Variants in AGMO observed in about 807,000 individuals in gnomAD.
The protein encoded by AGMO is glyceryl-ether monooxygenase.
In AGMO, 75 loss-of-function variants were observed where a neutral mutation model predicts 60.2. That is an observed-to-expected ratio of 1.25 (90% confidence interval 1.03 to 1.51). AGMO has a LOEUF of 1.51. Among genes scored for constraint, AGMO ranks in the 40% most tolerant of loss-of-function variants. The pLI is 0.00. For synonymous variants in AGMO, 261 were observed against 177.1 expected (o/e 1.47, Z -3.76); for missense variants, 763 against 525.5 (o/e 1.45, Z -4.42).
At chr7:15,512,616 G>C (rs572895958) in intron 3 of AGMO, among the ~76,000 whole-genome samples, 99 of 152,284 alleles carry the variant, frequency 6.5e-4, no homozygotes, top group African/African-American at 2.3e-3. Flanking sequence ...TACATATTTA[G>C]TTGAATTGAC....
intron 2 of AGMO, among the ~76,000 whole-genome samples, chr7:15,548,495 A>C (rs1784854021): frequency 6.6e-6 from 1 of 152,192 alleles, no homozygotes; most frequent in Admixed American, 6.5e-5. Flanking sequence ...CTGAAAACCA[A>C]GGCTCGAGAA....
chr7:15,157,425 G>C, the AGMO span, among the ~76,000 whole-genome samples: 2 of 152,184 alleles, frequency 1.3e-5, no homozygotes, highest in Non-Finnish European at 2.9e-5. Context: ...GAAGAAGAGG[G>C]CTGCATTTTG....
intron 12 of AGMO, among the ~76,000 whole-genome samples, chr7:15,336,422 A>G (rs879517213): frequency 1.4e-5 from 2 of 147,018 alleles, no homozygotes; most frequent in Non-Finnish European, 1.5e-5. Flanking sequence ...ATATGGCAAA[A>G]AAAAAAGAAA....
At chr7:15,362,492 A>C (rs1782805156) in intron 12 of AGMO, among the ~76,000 whole-genome samples, 1 of 152,202 alleles carries the variant, frequency 6.6e-6, no homozygotes, top group African/African-American at 2.4e-5. Context: ...ACTGTAATTT[A>C]TCAATTTCTT....
chr7:15,408,868 T>C (rs139675273), intron 5 of AGMO, among the ~76,000 whole-genome samples: 2 of 151,958 alleles, frequency 1.3e-5, no homozygotes, highest in Non-Finnish European at 2.9e-5. Context: ...GTCTGAGCTA[T>C]ATAGTGGTTT....
At chr7:15,397,107 T>G (rs192358894) in intron 5 of AGMO, among the ~76,000 whole-genome samples, 1 of 152,086 alleles carries the variant, frequency 6.6e-6, no homozygotes, top group Non-Finnish European at 1.5e-5. Flanking sequence ...CAGGAAACTT[T>G]GCGGTACCTA....
intron 12 of AGMO, among the ~76,000 whole-genome samples, chr7:15,277,881 G>T (rs966226121): frequency 6.6e-6 from 1 of 152,144 alleles, no homozygotes; most frequent in South Asian, 2.1e-4. Flanking sequence ...GCTTGCCTAT[G>T]ATATCCCAAT....
At chr7:15,342,798 A>AC (rs1781904310) in intron 12 of AGMO, among the ~76,000 whole-genome samples, 2 of 149,894 alleles carry the variant, frequency 1.3e-5, no homozygotes, top group Non-Finnish European at 3.0e-5. Flanking sequence ...AAAAAAAAAA[A>AC]AAAAAAATTG....
intron 12 of AGMO, among the ~76,000 whole-genome samples, chr7:15,206,051 GT>G (rs1011001633): frequency 2.0e-5 from 3 of 151,612 alleles, no homozygotes; most frequent in Non-Finnish European, 1.5e-5. Flanking sequence ...CAATGTTTTG[GT>G]TTTTTTTGAG....
intron 12 of AGMO, among the ~76,000 whole-genome samples, chr7:15,285,564 A>T (rs925637186): frequency 1.1e-4 from 16 of 152,284 alleles, no homozygotes; most frequent in Admixed American, 2.0e-4. Context: ...TGCTGAAAGA[A>T]ATCACAGATG....
intron 3 of AGMO, among the ~76,000 whole-genome samples, chr7:15,522,447 C>T (rs1784022514): frequency 6.6e-6 from 1 of 152,130 alleles, no homozygotes. Context: ...TGACTTCAAA[C>T]TATACTACAA....
chr7:15,387,504 CCCAGAATGTAGTCCATATGGAAAATAAG>C lies in AGMO; in HGVS notation c.831_858del (p.His277GlnfsTer50). The C allele has an allele frequency of 6.2e-7, 1 of 1,613,264 alleles. No homozygotes were observed. The highest frequency in any genetic ancestry group is 8.5e-7 in the Non-Finnish European group (1 of 1,179,590). ...AACTTATTGAAGAATCCAGGTGTGG[CCCAGAATGTAGTCCATATGGAAAATAAG>C]TGATGGAACTAGAAACAATAAAAAA... is the stretch of plus-strand genomic sequence containing the variant. On this transcript the variant is annotated frameshift_variant, in exon 9 of 13. Transcript: ENST00000342526. LOFTEE classifies it high-confidence loss of function.
At chr7:15,137,677 G>T in the AGMO span, among the ~76,000 whole-genome samples, 2 of 152,134 alleles carry the variant, frequency 1.3e-5, no homozygotes, top group African/African-American at 4.8e-5. Context: ...CAGAAGATTA[G>T]TAGGAATGAT....
intron 12 of AGMO, among the ~76,000 whole-genome samples, chr7:15,332,513 A>C (rs1781529351): frequency 6.6e-6 from 1 of 152,024 alleles, no homozygotes; most frequent in South Asian, 2.1e-4. Context: ...TATATCACCT[A>C]ATGTTTCCCC....
intron 12 of AGMO, among the ~76,000 whole-genome samples, chr7:15,352,838 A>T (rs1008538584): frequency 6.6e-6 from 1 of 152,076 alleles, no homozygotes; most frequent in African/African-American, 2.4e-5. Flanking sequence ...AAGACAATGC[A>T]AAAACAAAAG....
intron 12 of AGMO, among the ~76,000 whole-genome samples, chr7:15,330,781 ATTTAC>A (rs1470199728): frequency 6.6e-6 from 1 of 152,020 alleles, no homozygotes; most frequent in African/African-American, 2.4e-5. Context: ...ACTTTGGACA[ATTTAC>A]TTAACATCTT....
chr7:15,364,981 C>T (rs1393857020), intron 12 of AGMO, among the ~76,000 whole-genome samples: 2 of 151,788 alleles, frequency 1.3e-5, no homozygotes, highest in African/African-American at 4.8e-5. Flanking sequence ...TAAATATAGA[C>T]CCAAAAGTTC....
At chr7:15,539,011 A>T (rs1784549637) in intron 3 of AGMO, among the ~76,000 whole-genome samples, 1 of 152,186 alleles carries the variant, frequency 6.6e-6, no homozygotes, top group Non-Finnish European at 1.5e-5. Context: ...TTGGATGATG[A>T]TCCTGCTTTC....
the AGMO span, among the ~76,000 whole-genome samples, chr7:15,159,106 T>C: frequency 2.0e-5 from 3 of 152,186 alleles, no homozygotes; most frequent in Admixed American, 6.5e-5. Flanking sequence ...ATATTCTCTT[T>C]GTATTTTATT....
Sources: gnomAD v4.1 joint callset for allele counts (sites outside exome capture counted in the v4.1 genomes callset) on GRCh38, gnomAD v4.1.1 for gene constraint, MANE v1.5 for transcripts, NCBI Gene and HGNC (gene_info 2026-07-23, HGNC 2026-07-21) for gene names.